GAS7: variants seen among roughly 807,000 people sequenced by gnomAD.
GAS7 encodes the protein growth arrest specific 7, also known as growth arrest-specific protein 7.
GAS7 carries 28 observed loss-of-function variants against 71.1 expected under a neutral mutation model. The ratio of observed to expected loss-of-function variants is 0.39; its 90% confidence interval spans 0.29 to 0.54. GAS7 has a LOEUF of 0.54. Ranked by LOEUF, GAS7 falls within the 20% of genes least tolerant of loss-of-function variation. GAS7 has a pLI of 0.62. For synonymous variants in GAS7, 258 were observed against 245.8 expected, an observed-to-expected ratio of 1.05 and a Z score of -0.46; for missense variants, 436 against 627.8, an observed-to-expected ratio of 0.69 and a Z score of 3.27.
In GAS7 at chr17:9,969,856, C is replaced by A; in HGVS notation, c.386-94G>T. On this transcript the variant is annotated intron_variant, in intron 3 of 13. Transcript: ENST00000432992. The surrounding 1 kb of genome is among the most constrained non-coding windows in gnomAD (Gnocchi z 5.5). ...TGCAGCCCCTTTTCCCACCTCCTTC[C>A]TTGGCTCTGAGAGGTCTTGCGTGGC... 1 of 809,548 alleles carries A rather than the reference C, an allele frequency of 1.2e-6. No homozygotes were observed. The allele number at this position is 809,548 out of a possible 1,614,324, so 50.1% of individuals were successfully genotyped here.
intron 7 of GAS7, among the ~76,000 whole-genome samples, chr17:9,940,860 A>C (rs1439902706): frequency 1.3e-5 from 2 of 152,208 alleles, no homozygotes; most frequent in Non-Finnish European, 2.9e-5. Context: ...ATTATCTGGC[A>C]CGTCCATGTT....
rs573518261 is a variant in GAS7 at position 9,915,656 on chromosome 17, C to T, written c.*1572G>A. The stretch of plus-strand genomic sequence containing the variant: ...TTAGAGATTAATAAGTCATCGGTTT[C>T]TAGCACGTTGACTGAAAGACCAGTG... On this transcript the variant is annotated 3_prime_UTR_variant, in exon 14 of 14. Transcript: ENST00000432992. The T allele has an allele frequency of 5.8e-3, 1,326 of 229,166 alleles. 8 individuals carry two copies. Among genetic ancestry groups the T allele is most frequent in the Middle Eastern group, 0.031 (24 of 762 alleles). The allele number at this position is 229,166 out of a possible 1,614,324, so 14.2% of individuals were successfully genotyped here.
chr17:10,145,789 A>AC (rs1004922497), intron 1 of GAS7, among the ~76,000 whole-genome samples: 8 of 151,164 alleles, frequency 5.3e-5, no homozygotes, highest in South Asian at 2.1e-4. Flanking sequence ...ATATTCTAAG[A>AC]CCCCCCCAGA....
intron 1 of GAS7, among the ~76,000 whole-genome samples, chr17:10,160,649 G>A (rs763321613): frequency 9.8e-5 from 15 of 152,300 alleles, no homozygotes; most frequent in Non-Finnish European, 1.9e-4. Flanking sequence ...CATCACAGGT[G>A]CGCAATATGA....
chr17:10,110,474 C>CT (rs1254089635), intron 1 of GAS7, among the ~76,000 whole-genome samples: 35 of 150,994 alleles, frequency 2.3e-4, no homozygotes, highest in Non-Finnish European at 5.9e-5. Context: ...AAGTTCTTTT[C>CT]TTTTTTTTTA....
chr17:10,183,653 C>T (rs1261243082), intron 1 of GAS7, among the ~76,000 whole-genome samples: 2 of 152,124 alleles, frequency 1.3e-5, no homozygotes, highest in Non-Finnish European at 2.9e-5. Context: ...TCCTGGCTAA[C>T]ACGGTGAAAC....
rs148176346 is a variant in GAS7 at position 9,931,391 on chromosome 17, T to A, written c.885+2775A>T. 4.0e-3 allele frequency among the ~76,000 whole-genome samples: 610 copies of A among 152,252 alleles called. 4 individuals carry two copies. The highest frequency in any genetic ancestry group is 0.014 in the African/African-American group (584 of 41,562). ...AATCAAGAATCAGGGGTCCTGCTGA[T>A]GGGGAGTAAATGCCACCAAGATTCC... On this transcript the variant is annotated intron_variant, in intron 9 of 13. Coordinates refer to ENST00000432992, the MANE Select transcript of GAS7 (RefSeq NM_201433.2).
intron 1 of GAS7, among the ~76,000 whole-genome samples, chr17:10,146,535 C>T (rs184313946): frequency 2.0e-3 from 297 of 152,294 alleles, no homozygotes; most frequent in Non-Finnish European, 2.1e-3. Context: ...TCAAGCCCCA[C>T]TCCAAACCTA....
chr17:10,161,076 C>A (rs2074252381), intron 1 of GAS7, among the ~76,000 whole-genome samples: 1 of 151,996 alleles, frequency 6.6e-6, no homozygotes, highest in Admixed American at 6.6e-5. Context: ...GAACAAGGGT[C>A]GCGGCTCCGT....
rs956976743 is a variant in GAS7, at chr17:9,914,489, G to A, written c.*2739C>T. ...GATCTGCCCACCTCGGCCTCCCAAA[G>A]AGCTGGGATTACAGGCGTGAGCCAC... On this transcript the variant is annotated 3_prime_UTR_variant, in exon 14 of 14. Transcript: ENST00000432992. The A allele has an allele frequency of 1.1e-5, 2 of 182,560 alleles. No homozygotes were observed. Among genetic ancestry groups the A allele is most frequent in the African/African-American group, 4.7e-5 (2 of 42,518 alleles). 11.3% of individuals were successfully genotyped at this position (182,560 alleles called of 1,614,324 possible).
intron 1 of GAS7, among the ~76,000 whole-genome samples, chr17:10,158,265 G>T (rs896592936): frequency 6.7e-6 from 1 of 149,632 alleles, no homozygotes. Flanking sequence ...CACCCACCTC[G>T]GCCTCCCAAA....
chr17:10,002,401 GACC>G (rs1273426610), intron 2 of GAS7, among the ~76,000 whole-genome samples: 1 of 147,238 alleles, frequency 6.8e-6, no homozygotes, highest in Non-Finnish European at 1.5e-5. Flanking sequence ...ACTCCAGGAA[GACC>G]ACATCTTTTT....
chr17:9,983,558 G>C (rs905245104), intron 2 of GAS7, among the ~76,000 whole-genome samples: 1 of 151,842 alleles, frequency 6.6e-6, no homozygotes, highest in Non-Finnish European at 1.5e-5. Context: ...AGGCCGAGGC[G>C]GGTGGATCAC....
intron 1 of GAS7, among the ~76,000 whole-genome samples, chr17:10,174,518 C>T (rs912942899): frequency 1.3e-5 from 2 of 151,222 alleles, no homozygotes; most frequent in Admixed American, 6.6e-5. Flanking sequence ...TGGTGAAACC[C>T]CGTCTCTACT....
chr17:9,987,643 G>T lies in GAS7; in HGVS notation c.305-5759C>A, dbSNP rs143519110. ...TGAATAAATGAATGGATGAGTGAGT[G>T]AATGAATAATTTGTAAAGTGAGAGA... is the stretch of plus-strand genomic sequence containing the variant. On this transcript the variant is annotated intron_variant, in intron 2 of 13. Transcript: ENST00000432992. Among the ~76,000 whole-genome samples the T allele has an allele frequency of 2.3e-3, 349 of 152,356 alleles. 4 individuals are homozygous for T. The highest frequency in any genetic ancestry group is 7.9e-3 in the African/African-American group (330 of 41,584).
At chr17:10,018,186 C>T (rs886341323) in intron 2 of GAS7, among the ~76,000 whole-genome samples, 10 of 151,934 alleles carry the variant, frequency 6.6e-5, no homozygotes, top group Admixed American at 2.6e-4. Context: ...AAGGTGAGAC[C>T]GGGGATTATT....
chr17:10,068,340 G>A (rs529963291), intron 1 of GAS7, among the ~76,000 whole-genome samples: 1 of 152,230 alleles, frequency 6.6e-6, no homozygotes, highest in Non-Finnish European at 1.5e-5. Context: ...CCCAGATGAA[G>A]CCCTGGGTTT....
At chr17:10,024,139 A>G (rs973998288) in intron 1 of GAS7, among the ~76,000 whole-genome samples, 1 of 152,136 alleles carries the variant, frequency 6.6e-6, no homozygotes, top group African/African-American at 2.4e-5. Context: ...TAAAGAAAAA[A>G]TAAAAAAATA....
intron 1 of GAS7, among the ~76,000 whole-genome samples, chr17:10,126,990 G>C (rs1223153153): frequency 6.6e-6 from 1 of 152,224 alleles, no homozygotes; most frequent in Non-Finnish European, 1.5e-5. Flanking sequence ...GTGAGTGCAG[G>C]CTGTTTACTG....
Sources: gnomAD v4.1 joint callset for allele counts (sites outside exome capture counted in the v4.1 genomes callset) on GRCh38, gnomAD v4.1.1 for gene constraint, Gnocchi (gnomAD v3.1) non-coding constraint, MANE v1.5 for transcripts, NCBI Gene and HGNC (gene_info 2026-07-23, HGNC 2026-07-21) for gene names.